The following CDH7 variants were observed in gnomAD, a reference collection of about 807,000 sequenced individuals.
CDH7 encodes the protein cadherin 7.
In CDH7, 25 loss-of-function variants were observed where a neutral mutation model predicts 71.8. The observed-to-expected ratio is 0.35, with a 90% confidence interval of 0.25 to 0.49. CDH7 has a LOEUF of 0.49. Ranked by LOEUF, CDH7 falls within the 20% of genes least tolerant of loss-of-function variation. The pLI is 0.99. For missense variants in CDH7, 862 were observed against 974.6 expected, an observed-to-expected ratio of 0.88 and a Z score of 1.54; for synonymous variants, 381 against 363.8, an observed-to-expected ratio of 1.05 and a Z score of -0.54.
intron 11 of CDH7, among the ~76,000 whole-genome samples, chr18:65,868,635 T>C (rs764080258): frequency 3.0e-4 from 46 of 152,222 alleles, no homozygotes; most frequent in Admixed American, 4.6e-4. Flanking sequence ...GTGTCTATTT[T>C]ATAGTATCTT....
intron 7 of CDH7, among the ~76,000 whole-genome samples, chr18:65,849,394 CT>C (rs1229688636): frequency 8.3e-4 from 99 of 119,494 alleles, no homozygotes; most frequent in African/African-American, 3.2e-3. Context: ...CTTTTCTTTT[CT>C]TTTCTTTTCT....
intron 11 of CDH7, among the ~76,000 whole-genome samples, chr18:65,868,142 GC>G (rs1913821915): frequency 6.6e-6 from 1 of 152,174 alleles, no homozygotes; most frequent in Non-Finnish European, 1.5e-5. Flanking sequence ...TGGCATAGCA[GC>G]CCTAGAGATA....
rs777485445 is a variant in CDH7 at position 65,859,781 on chromosome 18, C to T, written c.1568C>T (p.Thr523Met). 2.5e-5 allele frequency: 41 copies of T among 1,610,048 alleles called. No individual in the cohort carries two copies. Among genetic ancestry groups the T allele is most frequent in the South Asian group, 3.3e-5 (3 of 90,998 alleles). The change falls in exon 10 of 12, where the codon ACG becomes ATG. Residue 523 changes from threonine to methionine, a missense_variant. By Grantham distance (81) the Thr-to-Met change is moderately conservative (BLOSUM62 -1). Transcript: ENST00000397968. ...CACCAGTTTTACTTCAGCTTAACAA[C>T]GGATGCAACAAATAACCACAACTTT... ...NGHQFYFSLT[T>M]DATNNHNFSL... is the part of the protein sequence containing the mutation.
chr18:65,816,711 A>G (rs1169636716), intron 4 of CDH7, among the ~76,000 whole-genome samples: 3 of 152,126 alleles, frequency 2.0e-5, no homozygotes, highest in South Asian at 2.1e-4. Flanking sequence ...TTTCTGCGTC[A>G]ATTTCTCCTT....
intron 7 of CDH7, among the ~76,000 whole-genome samples, chr18:65,853,922 T>TATATATATAC (rs1913242930): frequency 1.3e-5 from 1 of 75,808 alleles, no homozygotes; most frequent in African/African-American, 6.1e-5. Flanking sequence ...TATATATATA[T>TATATATATAC]ATATATATAT....
intron 1 of CDH7, among the ~76,000 whole-genome samples, chr18:65,761,535 CAA>C (rs36079642): frequency 4.8e-4 from 59 of 124,138 alleles, no homozygotes; most frequent in African/African-American, 1.0e-3. Flanking sequence ...TCCTCTTCCT[CAA>C]AAAAAAAAAA....
In CDH7 at chr18:65,843,997, T is replaced by A; in HGVS notation, c.1167T>A (p.Ala389=). The change falls in exon 7 of 12, where the codon GCT becomes GCA. Residue 389 remains alanine (A), a synonymous_variant. Transcript: ENST00000397968. The part of the protein sequence containing the change: ...SPLYPMEVSE[A]TQVGNIIGTV... ...TGTACCCTATGGAGGTGTCGGAAGC[T>A]ACCCAGGTTGGGAATATCATTGGCA... 1 of 1,612,982 alleles carries A rather than the reference T, an allele frequency of 6.2e-7. No homozygotes were observed. The highest frequency in any genetic ancestry group is 8.5e-7 in the Non-Finnish European group (1 of 1,179,348).
chr18:65,888,343 A>C lies in CDH7; in HGVS notation c.*7449A>C, dbSNP rs1392251671. On this transcript the variant is annotated 3_prime_UTR_variant, in exon 12 of 12. Coordinates refer to ENST00000397968, the MANE Select transcript of CDH7 (RefSeq NM_004361.5). ...GTGTTTTGCTGTATTTTTAAAAAAT[A>C]AGAAAAAATTATCACAGAGTAAGAT... The C allele has an allele frequency of 2.0e-5, 3 of 152,174 alleles. No homozygotes were observed. Among genetic ancestry groups the C allele is most frequent in the Admixed American group, 1.3e-4 (2 of 15,276 alleles). 9.4% of individuals were successfully genotyped at this position (152,174 alleles called of 1,614,324 possible).
rs533726749 is a variant in CDH7 at position 65,799,880 on chromosome 18, G to A, written c.211-9824G>A. Among the ~76,000 whole-genome samples, 5 of 152,112 alleles carry A rather than the reference G, an allele frequency of 3.3e-5. No homozygotes were observed. In the South Asian group the frequency reaches 6.2e-4, roughly 19 times the overall value. On this transcript the variant is annotated intron_variant, in intron 2 of 11. Coordinates refer to ENST00000397968, the MANE Select transcript of CDH7 (RefSeq NM_004361.5). ...CTCATGAATGATTGAAATAGTTTTC[G>A]TGTGATTTAGAATTTAAGTATAGCC...
chr18:65,812,268 G>A (rs115435531), intron 3 of CDH7, among the ~76,000 whole-genome samples: 2,437 of 152,188 alleles, frequency 0.016, 54 homozygotes, highest in African/African-American at 0.055. Context: ...CCATATCACA[G>A]TGCTTCAATA....
chr18:65,808,291 T>C (rs559366942), intron 2 of CDH7, among the ~76,000 whole-genome samples: 2 of 152,328 alleles, frequency 1.3e-5, no homozygotes, highest in East Asian at 1.9e-4. Context: ...ATAATAATTC[T>C]CATATTTCAC....
intron 2 of CDH7, among the ~76,000 whole-genome samples, chr18:65,796,073 A>C (rs182135158): frequency 6.6e-6 from 1 of 152,176 alleles, no homozygotes; most frequent in Non-Finnish European, 1.5e-5. Flanking sequence ...AGTCTCGGGT[A>C]TTTCTTCATG....
At chr18:65,855,315 C>T (rs933973259) in intron 7 of CDH7, among the ~76,000 whole-genome samples, 5 of 149,526 alleles carry the variant, frequency 3.3e-5, no homozygotes, top group African/African-American at 9.8e-5. Flanking sequence ...TTTGAACAGA[C>T]CTAAATATTG....
At chr18:65,793,403 A>T (rs1910786078) in intron 2 of CDH7, among the ~76,000 whole-genome samples, 1 of 150,796 alleles carries the variant, frequency 6.6e-6, no homozygotes, top group East Asian at 1.9e-4. Flanking sequence ...CCAGGGTAAC[A>T]GCGACACCCA....
At chr18:65,808,409 A>G (rs979622248) in intron 2 of CDH7, among the ~76,000 whole-genome samples, 1 of 152,202 alleles carries the variant, frequency 6.6e-6, no homozygotes, top group Non-Finnish European at 1.5e-5. Context: ...TTTTCCCTAC[A>G]CTGAATAAAC....
chr18:65,761,358 GTATTTTCT>G (rs999555931), intron 1 of CDH7, among the ~76,000 whole-genome samples: 1 of 150,962 alleles, frequency 6.6e-6, no homozygotes, highest in African/African-American at 2.4e-5. Flanking sequence ...ACTACATATA[GTATTTTCT>G]TAAGAAATTT....
intron 2 of CDH7, among the ~76,000 whole-genome samples, chr18:65,793,663 A>G (rs561022367): frequency 6.6e-4 from 101 of 152,274 alleles, no homozygotes; most frequent in African/African-American, 2.4e-3. Flanking sequence ...GTATCCTATC[A>G]TTCAGTGTGA....
chr18:65,765,335 T>A (rs115513577), intron 2 of CDH7, among the ~76,000 whole-genome samples: 2,532 of 152,138 alleles, frequency 0.017, 60 homozygotes, highest in African/African-American at 0.058. Flanking sequence ...GATTTTATAT[T>A]TGAGATGATG....
chr18:65,835,563 G>T (rs1419418440), intron 6 of CDH7, among the ~76,000 whole-genome samples: 3 of 152,158 alleles, frequency 2.0e-5, no homozygotes, highest in Non-Finnish European at 2.9e-5. Context: ...GTTGTCTTCA[G>T]GTCATAATGT....
Sources: gnomAD v4.1 joint callset for allele counts (sites outside exome capture counted in the v4.1 genomes callset) on GRCh38, gnomAD v4.1.1 for gene constraint, MANE v1.5 for transcripts, NCBI Gene and HGNC (gene_info 2026-07-23, HGNC 2026-07-21) for gene names.